Variants in FBRSL1 observed in about 807,000 individuals in gnomAD.
The protein encoded by FBRSL1 is fibrosin like 1.
In FBRSL1, 51 loss-of-function variants were observed where a neutral mutation model predicts 89.6. That is an observed-to-expected ratio of 0.57 (90% CI 0.45 to 0.72). The LOEUF (loss-of-function observed/expected upper bound fraction) is 0.72. Ranked by LOEUF, FBRSL1 falls within the 30% of genes least tolerant of loss-of-function variation. The pLI, the probability that FBRSL1 is intolerant of heterozygous loss-of-function variation, is 0.00. For missense variants in FBRSL1, 1,618 were observed against 1,451.8 expected (o/e 1.11, Z -1.86); for synonymous variants, 779 against 681.1 (o/e 1.14, Z -2.24).
chr12:132,548,095 C>T, intron 5 of FBRSL1, 63 bp downstream of exon 5: 1 of 1,534,882 alleles, frequency 6.5e-7, no homozygotes, highest in Non-Finnish European at 8.8e-7. Flanking sequence ...CTGACCTTGG[C>T]CCTGTGAGGT....
At chr12:132,577,790 A>G (rs566803831) in intron 15 of FBRSL1, among the ~76,000 whole-genome samples, 1 of 152,326 alleles carries the variant, frequency 6.6e-6, no homozygotes, top group African/African-American at 2.4e-5. Flanking sequence ...AGTTCAACCC[A>G]CAGTGTGGGA....
intron 5 of FBRSL1, among the ~76,000 whole-genome samples, chr12:132,561,543 C>T (rs1247849399): frequency 6.6e-6 from 1 of 152,210 alleles, no homozygotes; most frequent in African/African-American, 2.4e-5. Flanking sequence ...CGTCAAACTG[C>T]GGGCTAAGCT....
intron 2 of FBRSL1, among the ~76,000 whole-genome samples, chr12:132,515,520 C>T (rs1429623842): frequency 7.2e-6 from 1 of 138,576 alleles, no homozygotes; most frequent in Non-Finnish European, 1.6e-5. Flanking sequence ...AAGGTTTTAC[C>T]TTAAGAAACC....
At chr12:132,500,422 T>C (rs572009410) in intron 1 of FBRSL1, among the ~76,000 whole-genome samples, 1 of 152,250 alleles carries the variant, frequency 6.6e-6, no homozygotes, top group Non-Finnish European at 1.5e-5. Flanking sequence ...AGGCAAGGGC[T>C]GGAGGCTGGG....
chr12:132,509,618 C>T (rs905155438), intron 2 of FBRSL1: 122 of 1,231,694 alleles, frequency 9.9e-5, no homozygotes, highest in African/African-American at 7.9e-4. Flanking sequence ...CACGGTCCCT[C>T]CTGGTCCCCT....
intron 2 of FBRSL1, among the ~76,000 whole-genome samples, chr12:132,522,248 C>G (rs1441678735): frequency 1.3e-5 from 2 of 152,158 alleles, no homozygotes; most frequent in Non-Finnish European, 1.5e-5. Context: ...ACAGGCCAGG[C>G]CGCACCTGAG....
At chr12:132,582,608 C>T (rs565472474) in intron 18 of FBRSL1, among the ~76,000 whole-genome samples, 290 of 152,140 alleles carry the variant, frequency 1.9e-3, no homozygotes, top group Middle Eastern at 3.4e-3. Flanking sequence ...CACAGGCACC[C>T]ACACCTGCCA....
intron 1 of FBRSL1, among the ~76,000 whole-genome samples, chr12:132,497,412 C>T (rs1049156961): frequency 5.3e-5 from 8 of 152,050 alleles, no homozygotes; most frequent in African/African-American, 1.9e-4. Flanking sequence ...AGGGCAGACC[C>T]AGTCTGGCTG....
intron 4 of FBRSL1, among the ~76,000 whole-genome samples, chr12:132,535,448 A>T (rs564688133): frequency 6.6e-6 from 1 of 152,334 alleles, no homozygotes; most frequent in South Asian, 2.1e-4. Flanking sequence ...GAGGCCTCTG[A>T]GGCGGGATGG....
intron 4 of FBRSL1, among the ~76,000 whole-genome samples, chr12:132,541,739 A>C (rs2037288383): frequency 6.6e-6 from 1 of 152,244 alleles, no homozygotes; most frequent in Non-Finnish European, 1.5e-5. Flanking sequence ...ATTTCAGCCG[A>C]ATCGCTTGAT....
chr12:132,581,725 G>T lies in FBRSL1; in HGVS notation c.1913-16G>T. The stretch of plus-strand genomic sequence containing the variant: ...CACGCCTCACAGACCTCTGGGTCCC[G>T]CGGTTGCCCCCACAGACCCTTTCAG... On this transcript the variant is annotated splice_polypyrimidine_tract_variant and intron_variant, in intron 16 of 18. Coordinates refer to ENST00000680143, the MANE Select transcript of FBRSL1 (RefSeq NM_001367871.1). The T allele has an allele frequency of 6.5e-7, 1 of 1,549,844 alleles. No individual in the cohort carries two copies. The highest frequency in any genetic ancestry group is 8.7e-7 in the Non-Finnish European group (1 of 1,146,562).
At chr12:132,509,256 TCCAGCCAGC>T in intron 2 of FBRSL1, 1 of 1,253,304 alleles carries the variant, frequency 8.0e-7, no homozygotes, top group Non-Finnish European at 9.9e-7. Flanking sequence ...GCCCAGCCAG[TCCAGCCAGC>T]CCCAGGGGTC....
At chr12:132,574,443 C>T (rs2040249297) in intron 13 of FBRSL1, 50 bp from the exon 14 acceptor site, 1 of 1,548,132 alleles carries the variant, frequency 6.5e-7, no homozygotes, top group African/African-American at 1.4e-5. Flanking sequence ...CTGCAGAAAA[C>T]ATGGGTGGGG....
At position 132,571,367 on chromosome 12, in the gene FBRSL1, C is replaced by T. The variant is rs971207396; in HGVS notation, c.1377+136C>T. On this transcript the variant is annotated intron_variant, in intron 9 of 18. Transcript: ENST00000680143. ...TTTCTGGTGCAGAGCGCCGAGCGGC[C>T]TGGCGCCTCCCTGGGCCCGGGGGCT... 1.3e-6 allele frequency: 2 copies of T among 1,550,610 alleles called. No individual in the cohort carries two copies. Among genetic ancestry groups the T allele is most frequent in the African/African-American group, 1.4e-5 (1 of 73,012 alleles).
intron 4 of FBRSL1, among the ~76,000 whole-genome samples, chr12:132,536,820 C>T (rs750507659): frequency 1.3e-4 from 20 of 152,276 alleles, no homozygotes; most frequent in Non-Finnish European, 2.4e-4. Context: ...TACATGCGTA[C>T]GTATAACTGC....
chr12:132,551,441 G>A (rs1461439344), intron 5 of FBRSL1: 1 of 456,340 alleles, frequency 2.2e-6, no homozygotes. Flanking sequence ...AGAAGCGGAT[G>A]CCGGGGCAGG....
intron 14 of FBRSL1, among the ~76,000 whole-genome samples, chr12:132,576,001 G>A (rs1338884862): frequency 6.6e-6 from 1 of 152,222 alleles, no homozygotes; most frequent in African/African-American, 2.4e-5. Context: ...CTCCACCCAA[G>A]CCTGGCCCTG....
At chr12:132,577,941 G>C (rs142610800) in intron 15 of FBRSL1, among the ~76,000 whole-genome samples, 2 of 152,186 alleles carry the variant, frequency 1.3e-5, no homozygotes, top group Non-Finnish European at 2.9e-5. Flanking sequence ...ACATCCACGC[G>C]TGTACGCACA....
At chr12:132,556,834 CTCT>C (rs1323182435) in intron 5 of FBRSL1, among the ~76,000 whole-genome samples, 1 of 147,640 alleles carries the variant, frequency 6.8e-6, no homozygotes, top group East Asian at 2.0e-4. Context: ...CTGTGGGACG[CTCT>C]TCTTCAGGCC....
Sources: gnomAD v4.1 joint callset for allele counts (sites outside exome capture counted in the v4.1 genomes callset) on GRCh38, gnomAD v4.1.1 for gene constraint, MANE v1.5 for transcripts, NCBI Gene and HGNC (gene_info 2026-07-23, HGNC 2026-07-21) for gene names.